RO60: variants seen among roughly 807,000 people sequenced by gnomAD.
The protein encoded by RO60 is Ro60, Y RNA binding protein, also known as RNA-binding protein RO60.
Under a neutral mutation model 55.3 loss-of-function variants are expected in RO60, and 20 were observed. That is an observed-to-expected ratio of 0.36 (90% CI 0.25 to 0.53). RO60 has a LOEUF of 0.53. Ranked by LOEUF, RO60 falls within the 20% of genes least tolerant of loss-of-function variation. RO60 has a pLI of 0.92. For missense variants in RO60, 558 were observed against 646.6 expected (o/e 0.86, Z 1.49); for synonymous variants, 213 against 213.6 (o/e 1.00, Z 0.02).
rs1674761489 is a variant in RO60, at chr1:193,089,388, T to C, written c.*4657T>C. The C allele has an allele frequency of 1.3e-5, 2 of 152,196 alleles. No homozygotes were observed. The highest frequency in any genetic ancestry group is 1.3e-4 in the Admixed American group (2 of 15,282). The allele number at this position is 152,196 out of a possible 1,614,324, so 9.4% of individuals were successfully genotyped here. ...ACGTTGCTTGTGGCATAAAAAGTCT[T>C]GTAGATAACTTACTCACATTTGGCT... is the stretch of plus-strand genomic sequence containing the variant. On this transcript the variant is annotated 3_prime_UTR_variant, in exon 9 of 9. Transcript: ENST00000400968.
intron 5 of RO60, among the ~76,000 whole-genome samples, chr1:193,079,544 T>G (rs1366783650): frequency 6.6e-6 from 1 of 152,144 alleles, no homozygotes; most frequent in East Asian, 1.9e-4. Flanking sequence ...AGTGGATCAG[T>G]GACTAAATTT....
At chr1:193,083,752 T>C (rs1162019554) in intron 8 of RO60, among the ~76,000 whole-genome samples, 2 of 152,104 alleles carry the variant, frequency 1.3e-5, no homozygotes, top group African/African-American at 4.8e-5. Flanking sequence ...TAGTTTTGTT[T>C]TGTTTTGTTT....
intron 1 of RO60, among the ~76,000 whole-genome samples, chr1:193,064,638 A>G (rs1672994867): frequency 6.6e-6 from 1 of 152,196 alleles, no homozygotes; most frequent in African/African-American, 2.4e-5. Context: ...TAATAATGTT[A>G]TCTGTTCCAC....
In RO60 at chr1:193,089,721, A is replaced by G. The variant is rs1054155889; in HGVS notation, c.*4990A>G. The G allele has an allele frequency of 2.0e-5, 3 of 152,058 alleles. No individual in the cohort carries two copies. Among genetic ancestry groups the G allele is most frequent in the Non-Finnish European group, 4.4e-5 (3 of 68,004 alleles). The allele number at this position is 152,058 out of a possible 1,614,324, so 9.4% of individuals were successfully genotyped here. ...ATACAAAAGCTAACCTTCTCATCCTAAAAAGATTTTTCCCTTTGCTTCTGT... is the reference window on the plus strand; with the variant it reads ...ATACAAAAGCTAACCTTCTCATCCTGAAAAGATTTTTCCCTTTGCTTCTGT... On this transcript the variant is annotated 3_prime_UTR_variant, in exon 9 of 9. Coordinates refer to ENST00000400968, the MANE Select transcript of RO60 (RefSeq NM_001173524.2).
rs1276812710 is a variant in RO60 at position 193,084,748 on chromosome 1, G to A, written c.*17G>A. The A allele has an allele frequency of 6.9e-6, 11 of 1,602,048 alleles. No homozygotes were observed. Among genetic ancestry groups the A allele is most frequent in the South Asian group, 3.4e-5 (3 of 88,534 alleles). On this transcript the variant is annotated 3_prime_UTR_variant, in exon 9 of 9. Coordinates refer to ENST00000400968, the MANE Select transcript of RO60 (RefSeq NM_001173524.2). Reference sequence around the variant, plus strand: ...ATGATTTAACCATAAGCAGCAGCACGATCCAGAGATCCATTGCCATCAGTG... The same window carrying A: ...ATGATTTAACCATAAGCAGCAGCACAATCCAGAGATCCATTGCCATCAGTG...
intron 5 of RO60, among the ~76,000 whole-genome samples, chr1:193,078,718 A>AT (rs1229901038): frequency 6.6e-6 from 1 of 152,074 alleles, no homozygotes; most frequent in Non-Finnish European, 1.5e-5. Flanking sequence ...GCTAAAAGAA[A>AT]TTAAGTCATG....
chr1:193,060,545 A>G (rs771549142), intron 1 of RO60, among the ~76,000 whole-genome samples: 3 of 151,972 alleles, frequency 2.0e-5, no homozygotes, highest in Non-Finnish European at 4.4e-5. Context: ...TAAAACTCTG[A>G]CTCCTTCCTT....
rs1674798834 is a variant in RO60, at chr1:193,090,114, CTTAAG to C, written c.*5386_*5390del. 1 of 152,088 alleles carries C rather than the reference CTTAAG, an allele frequency of 6.6e-6. No individual in the cohort carries two copies. Among genetic ancestry groups the C allele is most frequent in the African/African-American group, 2.4e-5 (1 of 41,422 alleles). The allele number at this position is 152,088 out of a possible 1,614,324, so 9.4% of individuals were successfully genotyped here. A position where few individuals can be genotyped will look rare whatever the true frequency, so the allele number is the denominator to read the frequency against. On this transcript the variant is annotated 3_prime_UTR_variant, in exon 9 of 9. Coordinates refer to ENST00000400968, the MANE Select transcript of RO60 (RefSeq NM_001173524.2). ...CCACCGCACCTGGCCAACTTTTCAT[CTTAAG>C]TTGTTTAAATTTATGCACTTTTAGA...
chr1:193,065,383 C>G (rs1394604024), intron 1 of RO60, among the ~76,000 whole-genome samples: 1 of 152,178 alleles, frequency 6.6e-6, no homozygotes, highest in Non-Finnish European at 1.5e-5. Context: ...AATCCCACCA[C>G]TTGGGCCTTG....
intron 1 of RO60, among the ~76,000 whole-genome samples, chr1:193,065,343 G>A (rs895318536): frequency 6.6e-6 from 1 of 152,154 alleles, no homozygotes; most frequent in Non-Finnish European, 1.5e-5. Flanking sequence ...AGGGGAGAGG[G>A]AATTTTGAGG....
At chr1:193,083,883 C>T (rs1674485093) in intron 8 of RO60, among the ~76,000 whole-genome samples, 1 of 152,150 alleles carries the variant, frequency 6.6e-6, no homozygotes, top group Non-Finnish European at 1.5e-5. Flanking sequence ...ACTGCCCAAC[C>T]AGGATAGAAT....
At chr1:193,062,339 A>G (rs1398242601) in intron 1 of RO60, among the ~76,000 whole-genome samples, 2 of 152,186 alleles carry the variant, frequency 1.3e-5, no homozygotes, top group African/African-American at 4.8e-5. Flanking sequence ...GGGTATCTCA[A>G]ATTGCTTTTA....
Position 193,086,056 on chromosome 1 carries a change from T to A in RO60, c.*1325T>A. The A allele has an allele frequency of 1.0e-6, 1 of 978,388 alleles. No homozygotes were observed. Among genetic ancestry groups the A allele is most frequent in the Non-Finnish European group, 1.2e-6 (1 of 823,614 alleles). The allele number at this position is 978,388 out of a possible 1,614,324, so 60.6% of individuals were successfully genotyped here. A position where few individuals can be genotyped will look rare whatever the true frequency, so the allele number is the denominator to read the frequency against. On this transcript the variant is annotated 3_prime_UTR_variant, in exon 9 of 9. Transcript: ENST00000400968. ...ACATAAAACCTGTTTGCGTATCTGT[T>A]GTTCTCTAAATATTAATTGAAGATT...
rs1212713085 is a variant in RO60, at chr1:193,081,380, G to T, written c.1103G>T (p.Gly368Val). ...TCTCTGTAGACAGTTGAACCAACTG[G>T]AAAACGTTTCTTACTAGCTGTTGAT... Reference protein sequence around the residue: ...YKTFKTVEPTGKRFLLAVDVS... With the variant: ...YKTFKTVEPTVKRFLLAVDVS... Residue 368 changes from glycine to valine, a missense_variant, in exon 6 of 9, where the codon GGA becomes GTA. Physicochemically the swap from Gly to Val is moderately radical, Grantham distance 109. Coordinates refer to ENST00000400968, the MANE Select transcript of RO60 (RefSeq NM_001173524.2). 1.9e-6 allele frequency: 3 copies of T among 1,603,242 alleles called. No individual in the cohort carries two copies. The highest frequency in any genetic ancestry group is 2.6e-6 in the Non-Finnish European group (3 of 1,172,594).
chr1:193,064,105 G>A (rs1486220221), intron 1 of RO60, among the ~76,000 whole-genome samples: 3 of 152,154 alleles, frequency 2.0e-5, no homozygotes, highest in Non-Finnish European at 4.4e-5. Context: ...GTGAAATGTG[G>A]GCACATCACC....
At chr1:193,079,014 A>G (rs1431757792) in intron 5 of RO60, among the ~76,000 whole-genome samples, 1 of 152,114 alleles carries the variant, frequency 6.6e-6, no homozygotes, top group Non-Finnish European at 1.5e-5. Flanking sequence ...CACTGGCAAA[A>G]GAATAAACAT....
At chr1:193,079,607 A>G (rs1431672920) in intron 5 of RO60, among the ~76,000 whole-genome samples, 1 of 152,240 alleles carries the variant, frequency 6.6e-6, no homozygotes, top group Non-Finnish European at 1.5e-5. Context: ...GAAAAAATAA[A>G]TTGAACTTCA....
intron 5 of RO60, 123 bp from the exon 6 acceptor site, chr1:193,081,241 A>G: frequency 4.1e-6 from 2 of 492,946 alleles, no homozygotes; most frequent in South Asian, 3.7e-5. Context: ...GTCAATTGGT[A>G]TATCAAAAAT....
In RO60 at chr1:193,059,756, G is replaced by C; in HGVS notation, c.-42G>C. On this transcript the variant is annotated 5_prime_UTR_variant, in exon 1 of 9. Transcript: ENST00000400968. The surrounding 1 kb of genome is among the most constrained non-coding windows in gnomAD (Gnocchi z 4.9). ...TCTCCTGGCGGCGCTGCGGATCCAG[G>C]GGGTCGGCTGCCAGGTACAGGTGAG... 7.4e-7 allele frequency: 1 copy of C among 1,355,982 alleles called. No individual in the cohort carries two copies. The highest frequency in any genetic ancestry group is 1.2e-5 in the South Asian group (1 of 86,272). 84.0% of individuals were successfully genotyped at this position (1,355,982 alleles called of 1,614,324 possible). A position where few individuals can be genotyped will look rare whatever the true frequency, so the allele number is the denominator to read the frequency against.
Sources: allele counts gnomAD v4.1 joint callset (sites outside exome capture counted in the v4.1 genomes callset), GRCh38; gene constraint gnomAD v4.1.1; non-coding constraint Gnocchi (gnomAD v3.1); transcripts MANE v1.5; gene names NCBI Gene and HGNC (gene_info 2026-07-23, HGNC 2026-07-21).